SEC11C: variants seen among roughly 807,000 people sequenced by gnomAD.
The protein encoded by SEC11C is signal peptidase complex catalytic subunit SEC11C.
Under a neutral mutation model 21.9 loss-of-function variants are expected in SEC11C, and 10 were observed. The ratio of observed to expected loss-of-function variants is 0.46; its 90% CI spans 0.28 to 0.77. The LOEUF (loss-of-function observed/expected upper bound fraction) is 0.77. Among genes scored for constraint, SEC11C ranks in the 30% least tolerant of loss-of-function variants. The pLI is 0.12. For missense variants in SEC11C, 145 were observed against 244.5 expected (o/e 0.59, Z 2.71); for synonymous variants, 83 against 85.6 (o/e 0.97, Z 0.17).
intron 3 of SEC11C, 199 bp from the exon 4 acceptor site, chr18:59,155,489 C>G: frequency 2.1e-6 from 1 of 479,154 alleles, no homozygotes; most frequent in Non-Finnish European, 3.7e-6. Flanking sequence ...GAATTTAAGT[C>G]TACAAAACTG....
intron 5 of SEC11C, 137 bp from the exon 6 acceptor site, chr18:59,158,495 G>T: frequency 1.4e-6 from 1 of 691,802 alleles, no homozygotes; most frequent in Non-Finnish European, 2.5e-6. Flanking sequence ...CTCATTTAGA[G>T]AACAAGCCAT....
intron 2 of SEC11C, among the ~76,000 whole-genome samples, chr18:59,151,893 A>G (rs1371492345): frequency 6.6e-6 from 1 of 152,260 alleles, no homozygotes; most frequent in Non-Finnish European, 1.5e-5. Context: ...AATCCGCCAA[A>G]GATTTTGGCA....
chr18:59,141,758 TTC>T (rs1156806420), intron 1 of SEC11C, among the ~76,000 whole-genome samples: 1 of 152,210 alleles, frequency 6.6e-6, no homozygotes, highest in East Asian at 1.9e-4. Flanking sequence ...AGGACCTTCT[TTC>T]TCTGCTGCCC....
intron 1 of SEC11C, among the ~76,000 whole-genome samples, chr18:59,149,031 C>G (rs1300594847): frequency 6.6e-6 from 1 of 152,248 alleles, no homozygotes; most frequent in Admixed American, 6.5e-5. Flanking sequence ...ATTTTTAGAA[C>G]AGGATGGCCT....
intron 3 of SEC11C, among the ~76,000 whole-genome samples, chr18:59,155,140 A>T (rs77883709): frequency 0.01 from 1,588 of 152,328 alleles, 14 homozygotes; most frequent in Non-Finnish European, 0.017. Flanking sequence ...TTCAAGTCCA[A>T]CACAGGTTGT....
Position 59,151,869 on chromosome 18 carries a change from C to T in SEC11C, c.198-667C>T, listed in dbSNP as rs12608054. The stretch of plus-strand genomic sequence containing the variant: ...TTTAAAATTTCAGCTTCCAGCATAT[C>T]GCAATTTACTTTGAATCCGCCAAAG... On this transcript the variant is annotated intron_variant, in intron 2 of 5. Coordinates refer to ENST00000587834, the MANE Select transcript of SEC11C (RefSeq NM_033280.4). 3.9e-3 allele frequency among the ~76,000 whole-genome samples: 591 copies of T among 152,304 alleles called. 21 individuals are homozygous for T. The East Asian group carries it at 0.087, about 22-fold the overall frequency.
intron 3 of SEC11C, 115 bp downstream of exon 3, chr18:59,152,800 T>C (rs531752367): frequency 5.8e-6 from 5 of 867,608 alleles, no homozygotes; most frequent in Non-Finnish European, 8.5e-6. Flanking sequence ...ATTGACTCAC[T>C]GGGTGACTTT....
At chr18:59,141,383 C>T (rs10871766) in intron 1 of SEC11C, among the ~76,000 whole-genome samples, 30,950 of 152,110 alleles carry the variant, frequency 0.2, 3,907 homozygotes, top group East Asian at 0.39. Context: ...CTCCAGGAAG[C>T]AGAGCTTTGT....
intron 1 of SEC11C, among the ~76,000 whole-genome samples, chr18:59,141,147 C>CT (rs78724295): frequency 0.12 from 18,306 of 151,844 alleles, 1,579 homozygotes; most frequent in East Asian, 0.39. Flanking sequence ...GTGTTTTTCC[C>CT]CTCTCACTCT....
chr18:59,156,771 A>C (rs1027513717), intron 4 of SEC11C: 1 of 152,196 alleles, frequency 6.6e-6, no homozygotes, highest in Non-Finnish European at 1.5e-5. Context: ...TGTCAGGTTT[A>C]GCGTTATTAG....
Position 59,152,543 on chromosome 18 carries a change from A to G in SEC11C, c.205A>G (p.Met69Val), listed in dbSNP as rs1206330331. 1 of 1,601,736 alleles carries G rather than the reference A, an allele frequency of 6.2e-7. No individual in the cohort carries two copies. The highest frequency in any genetic ancestry group is 8.5e-7 in the Non-Finnish European group (1 of 1,176,422). ...CTTTGTGCTTCTTTCCAGTGGCAGTATGGAGCCGGCCTTTCACAGAGGAGA... is the reference window on the plus strand; with the variant it reads ...CTTTGTGCTTCTTTCCAGTGGCAGTGTGGAGCCGGCCTTTCACAGAGGAGA... ...SPIVVVLSGS[M>V]EPAFHRGDLL... is the part of the protein sequence containing the mutation. The change falls in exon 3 of 6, where the codon ATG (methionine) becomes GTG (valine). Residue 69 changes from methionine to valine, a missense_variant. Physicochemically the swap from Met to Val is conservative, Grantham distance 21. Coordinates refer to ENST00000587834, the MANE Select transcript of SEC11C (RefSeq NM_033280.4).
intron 3 of SEC11C, 37 bp from the exon 4 acceptor site, chr18:59,155,651 A>C (rs772117262): frequency 6.2e-7 from 1 of 1,600,838 alleles, no homozygotes; most frequent in Non-Finnish European, 8.5e-7. Flanking sequence ...TGCTGTGCTG[A>C]AAATAATTTT....
chr18:59,140,103 C>T (rs1046673479), intron 1 of SEC11C, 68 bp downstream of exon 1: 6 of 1,379,992 alleles, frequency 4.3e-6, no homozygotes, highest in African/African-American at 3.0e-5. Flanking sequence ...TCGGGGCTTC[C>T]CAGTCAGGGC....
At chr18:59,144,600 C>G (rs1184663729) in intron 1 of SEC11C, among the ~76,000 whole-genome samples, 4 of 151,970 alleles carry the variant, frequency 2.6e-5, no homozygotes, top group Non-Finnish European at 5.9e-5. Flanking sequence ...CCAGCACATG[C>G]CTGTAGTCCA....
intron 5 of SEC11C, among the ~76,000 whole-genome samples, chr18:59,158,134 C>T (rs2069439450): frequency 6.6e-6 from 1 of 152,188 alleles, no homozygotes; most frequent in Non-Finnish European, 1.5e-5. Flanking sequence ...CGGCTCACCA[C>T]AACCTCCGCC....
chr18:59,140,470 C>T (rs187509558), intron 1 of SEC11C, among the ~76,000 whole-genome samples: 15 of 152,358 alleles, frequency 9.8e-5, no homozygotes, highest in African/African-American at 3.6e-4. Context: ...GAAGAACTTT[C>T]CTACAACGGG....
chr18:59,148,771 G>A (rs2069311564), intron 1 of SEC11C, among the ~76,000 whole-genome samples: 1 of 152,000 alleles, frequency 6.6e-6, no homozygotes, highest in Non-Finnish European at 1.5e-5. Context: ...CCACCGCCAC[G>A]CCCGGCTAAT....
chr18:59,157,459 G>A (rs192860816), intron 4 of SEC11C, 149 bp from the exon 5 acceptor site: 12 of 625,692 alleles, frequency 1.9e-5, no homozygotes, highest in Middle Eastern at 2.7e-4. Context: ...AGCTGTTTGA[G>A]ACAGGGCTGA....
intron 5 of SEC11C, 93 bp from the exon 6 acceptor site, chr18:59,158,539 A>C: frequency 1.1e-6 from 1 of 935,790 alleles, no homozygotes. Context: ...TTCTGTCCTC[A>C]GCGCAGTATT....
Sources: allele counts gnomAD v4.1 joint callset (sites outside exome capture counted in the v4.1 genomes callset), GRCh38; gene constraint gnomAD v4.1.1; transcripts MANE v1.5; gene names NCBI Gene and HGNC (gene_info 2026-07-23, HGNC 2026-07-21).